The following GALNTL6 variants were observed in gnomAD, a reference collection of about 807,000 sequenced individuals.
GALNTL6 encodes the protein polypeptide N-acetylgalactosaminyltransferase like 6, also known as polypeptide N-acetylgalactosaminyltransferase-like 6.
Under a neutral mutation model 73.7 loss-of-function variants are expected in GALNTL6, and 46 were observed. The observed-to-expected ratio is 0.62, with a 90% CI of 0.49 to 0.80. GALNTL6 has a LOEUF of 0.80. GALNTL6 is among the 30% of genes least tolerant of loss of function. The pLI is 0.00. For synonymous variants in GALNTL6, 259 were observed against 263.7 expected, an observed-to-expected ratio of 0.98 and a Z score of 0.17; for missense variants, 604 against 755.0, an observed-to-expected ratio of 0.80 and a Z score of 2.34.
intron 2 of GALNTL6, among the ~76,000 whole-genome samples, chr4:172,192,425 C>A (rs909812923): frequency 8.6e-5 from 13 of 151,606 alleles, no homozygotes; most frequent in African/African-American, 3.2e-4. Flanking sequence ...GTCAGTGGCT[C>A]CCACTGAGAA....
intron 3 of GALNTL6, among the ~76,000 whole-genome samples, chr4:172,230,455 C>T (rs59890635): frequency 0.031 from 4,751 of 151,666 alleles, 231 homozygotes; most frequent in African/African-American, 0.11. Flanking sequence ...GGTGTGGTGG[C>T]GGGCACCTGT....
intron 2 of GALNTL6, among the ~76,000 whole-genome samples, chr4:172,073,411 T>C (rs919513528): frequency 4.6e-5 from 7 of 152,192 alleles, no homozygotes; most frequent in Admixed American, 3.9e-4. Flanking sequence ...AAAGAAACTA[T>C]GGCTGGAGTT....
chr4:172,431,177 C>T (rs1443921892), intron 5 of GALNTL6, among the ~76,000 whole-genome samples: 1 of 152,040 alleles, frequency 6.6e-6, no homozygotes, highest in Non-Finnish European at 1.5e-5. Flanking sequence ...CTACAAGTTC[C>T]TGTATTCCCC....
intron 2 of GALNTL6, among the ~76,000 whole-genome samples, chr4:172,033,263 T>C (rs1253096556): frequency 6.6e-6 from 1 of 152,010 alleles, no homozygotes; most frequent in African/African-American, 2.4e-5. Context: ...ATGTAACCTA[T>C]AAAAGCACAT....
intron 8 of GALNTL6, among the ~76,000 whole-genome samples, chr4:172,887,287 A>G (rs1223089937): frequency 6.6e-6 from 1 of 152,194 alleles, no homozygotes; most frequent in Non-Finnish European, 1.5e-5. Context: ...TAGTGCTGCA[A>G]TGAACATATG....
At chr4:172,964,523 T>A (rs1704577651) in intron 10 of GALNTL6, among the ~76,000 whole-genome samples, 1 of 152,234 alleles carries the variant, frequency 6.6e-6, no homozygotes, top group Admixed American at 6.5e-5. Flanking sequence ...CCGAACTACC[T>A]AGGCTGTTTA....
intron 2 of GALNTL6, among the ~76,000 whole-genome samples, chr4:172,022,820 A>C (rs1741446104): frequency 6.6e-6 from 1 of 152,014 alleles, no homozygotes; most frequent in South Asian, 2.1e-4. Flanking sequence ...TTATAAATTC[A>C]TAACCTGAAA....
chr4:172,989,416 G>A (rs1251708171), intron 10 of GALNTL6, among the ~76,000 whole-genome samples: 2 of 152,160 alleles, frequency 1.3e-5, no homozygotes, highest in Non-Finnish European at 2.9e-5. Flanking sequence ...TTGAAAAGAG[G>A]TGATTATATT....
At chr4:172,300,167 T>G (rs1369930089) in intron 3 of GALNTL6, among the ~76,000 whole-genome samples, 1 of 152,256 alleles carries the variant, frequency 6.6e-6, no homozygotes, top group East Asian at 1.9e-4. Flanking sequence ...TTTAAAGTCT[T>G]TTTTATCAGA....
intron 2 of GALNTL6, among the ~76,000 whole-genome samples, chr4:171,867,532 A>G (rs533283048): frequency 1.3e-5 from 2 of 152,298 alleles, no homozygotes; most frequent in Admixed American, 1.3e-4. Flanking sequence ...ACTTGTTTCC[A>G]TCCCCGACAC....
At chr4:171,879,467 A>AT (rs1314117932) in intron 2 of GALNTL6, among the ~76,000 whole-genome samples, 2 of 152,164 alleles carry the variant, frequency 1.3e-5, no homozygotes, top group Admixed American at 1.3e-4. Flanking sequence ...AAAAAGTCAA[A>AT]TTAGTGTTAC....
At chr4:173,016,027 T>A (rs1205337264) in intron 11 of GALNTL6, among the ~76,000 whole-genome samples, 1 of 152,216 alleles carries the variant, frequency 6.6e-6, no homozygotes, top group Non-Finnish European at 1.5e-5. Context: ...AGGCCATTGA[T>A]TCAGAGGGTG....
Position 172,411,428 on chromosome 4 carries a change from C to T in GALNTL6, c.553+62739C>T, listed in dbSNP as rs188606586. Reference sequence around the variant, plus strand: ...TAGCATGCAGTTGGAATCTGGTTTTCGCCTGCAGAATAAACTCCAATGAGA... The same window carrying T: ...TAGCATGCAGTTGGAATCTGGTTTTTGCCTGCAGAATAAACTCCAATGAGA... On this transcript the variant is annotated intron_variant, in intron 5 of 12. Transcript: ENST00000506823. Among the ~76,000 whole-genome samples the T allele has an allele frequency of 3.9e-5, 6 of 152,156 alleles. No homozygotes were observed. In the East Asian group the frequency reaches 5.8e-4, roughly 15 times the overall value.
At chr4:172,485,972 A>T (rs1204288101) in intron 5 of GALNTL6, among the ~76,000 whole-genome samples, 3 of 152,156 alleles carry the variant, frequency 2.0e-5, no homozygotes, top group African/African-American at 7.2e-5. Context: ...TGGCTCAGCA[A>T]TGCTTCTTAT....
intron 2 of GALNTL6, among the ~76,000 whole-genome samples, chr4:172,110,173 C>T (rs1200691183): frequency 6.6e-6 from 1 of 151,920 alleles, no homozygotes; most frequent in East Asian, 1.9e-4. Context: ...AATATAAAAC[C>T]TTTTTTGAGC....
intron 5 of GALNTL6, among the ~76,000 whole-genome samples, chr4:172,764,921 T>A (rs1738319589): frequency 6.6e-6 from 1 of 152,198 alleles, no homozygotes. Flanking sequence ...TATTGGGGAT[T>A]TTTAGGAAGA....
At chr4:171,976,316 A>T (rs951496054) in intron 2 of GALNTL6, among the ~76,000 whole-genome samples, 1 of 152,256 alleles carries the variant, frequency 6.6e-6, no homozygotes, top group Non-Finnish European at 1.5e-5. Context: ...CTTCTAGAAG[A>T]TGTGAAAAAT....
chr4:172,401,983 C>G (rs561233127), intron 5 of GALNTL6, among the ~76,000 whole-genome samples: 1 of 139,562 alleles, frequency 7.2e-6, no homozygotes, highest in Non-Finnish European at 1.6e-5. Context: ...AGAGAGAGAT[C>G]TTTATTAACA....
At chr4:172,116,939 A>G (rs530645658) in intron 2 of GALNTL6, among the ~76,000 whole-genome samples, 10 of 152,324 alleles carry the variant, frequency 6.6e-5, no homozygotes, top group African/African-American at 2.2e-4. Flanking sequence ...TGCTTTTTAA[A>G]AAATTTTCCA....
Sources: allele counts gnomAD v4.1 joint callset (sites outside exome capture counted in the v4.1 genomes callset), GRCh38; gene constraint gnomAD v4.1.1; transcripts MANE v1.5; gene names NCBI Gene and HGNC (gene_info 2026-07-23, HGNC 2026-07-21).